Variants in RHOQ observed in about 807,000 individuals in gnomAD.
RHOQ encodes ras homolog family member Q, also known as rho-related GTP-binding protein RhoQ.
Under a neutral mutation model 25.8 loss-of-function variants are expected in RHOQ, and 7 were observed. The ratio of observed to expected loss-of-function variants is 0.27; its 90% CI spans 0.15 to 0.51. RHOQ has a LOEUF of 0.51. Ranked by LOEUF, RHOQ falls within the 20% of genes least tolerant of loss-of-function variation. RHOQ has a pLI of 0.97. For synonymous variants in RHOQ, 97 were observed against 98.6 expected (o/e 0.98, Z 0.10); for missense variants, 165 against 260.6 (o/e 0.63, Z 2.53).
chr2:46,560,112 A>G (rs1470702104), intron 2 of RHOQ, among the ~76,000 whole-genome samples: 2 of 152,218 alleles, frequency 1.3e-5, no homozygotes, highest in Non-Finnish European at 2.9e-5. Flanking sequence ...GTCCAGCTGC[A>G]GAAGCAGGCG....
Position 46,552,286 on chromosome 2 carries a change from G to A in RHOQ, c.201+8474G>A, listed in dbSNP as rs776487372. On this transcript the variant is annotated intron_variant, in intron 2 of 4. Coordinates refer to ENST00000238738, the MANE Select transcript of RHOQ (RefSeq NM_012249.4). The surrounding 1 kb of genome is among the most constrained non-coding windows in gnomAD (Gnocchi z 5.0). ...CAAAAAGGAGCAGGCCCGAGGTGGC[G>A]CTGATGGCCCCATTGCTCAAGTACG... Among the ~76,000 whole-genome samples, 65 of 152,146 alleles carry A rather than the reference G, an allele frequency of 4.3e-4. No individual in the cohort carries two copies. The highest frequency in any genetic ancestry group is 2.6e-4 in the Non-Finnish European group (18 of 68,018).
In RHOQ at chr2:46,576,360, T is replaced by A; in HGVS notation, c.366+109T>A. The A allele has an allele frequency of 9.5e-7, 1 of 1,047,582 alleles. No individual in the cohort carries two copies. The allele number at this position is 1,047,582 out of a possible 1,614,324, so 64.9% of individuals were successfully genotyped here. On this transcript the variant is annotated intron_variant, in intron 3 of 4. Transcript: ENST00000238738. The surrounding 1 kb of genome is among the most constrained non-coding windows in gnomAD (Gnocchi z 5.1). Reference sequence around the variant, plus strand: ...CTGAGCAAATGATGTAAGTGTTTAATCTCAGCTGCAAGTTAATGAGTTCTA... The same window carrying A: ...CTGAGCAAATGATGTAAGTGTTTAAACTCAGCTGCAAGTTAATGAGTTCTA...
At chr2:46,560,620 TG>T (rs1214305809) in intron 2 of RHOQ, 2 of 456,152 alleles carry the variant, frequency 4.4e-6, no homozygotes, top group African/African-American at 4.0e-5. Flanking sequence ...TACGAGAGCA[TG>T]GGTTTCCAGT....
In RHOQ at chr2:46,582,307, G is replaced by T. The variant is rs1199464037; in HGVS notation, c.*1224G>T. On this transcript the variant is annotated 3_prime_UTR_variant, in exon 5 of 5. Transcript: ENST00000238738. ...AAAAAAAAAAGAAAAAAAAGTTGGA[G>T]GAAAATTTTCATGTTCTTCTGTGAA... 6.6e-6 allele frequency: 1 copy of T among 151,828 alleles called. No homozygotes were observed. The highest frequency in any genetic ancestry group is 2.4e-5 in the African/African-American group (1 of 41,318). The allele number at this position is 151,828 out of a possible 1,614,324, so 9.4% of individuals were successfully genotyped here.
At chr2:46,570,378 G>A (rs991293050) in intron 2 of RHOQ, among the ~76,000 whole-genome samples, 1 of 151,954 alleles carries the variant, frequency 6.6e-6, no homozygotes, top group African/African-American at 2.4e-5. Flanking sequence ...AGGCAGAGGT[G>A]GCAGTGAGCC....
chr2:46,581,138 A>C lies in RHOQ; in HGVS notation c.*55A>C. ...CCATTTCTCTCAGAAAGCAAATGAA[A>C]TGCTACAGCTATACCCAGACCTTTT... On this transcript the variant is annotated 3_prime_UTR_variant, in exon 5 of 5. Transcript: ENST00000238738. The C allele has an allele frequency of 7.3e-7, 1 of 1,376,494 alleles. No individual in the cohort carries two copies. Among genetic ancestry groups the C allele is most frequent in the South Asian group, 1.5e-5 (1 of 67,178 alleles). The allele number at this position is 1,376,494 out of a possible 1,614,324, so 85.3% of individuals were successfully genotyped here.
At chr2:46,564,236 T>G (rs566235846) in intron 2 of RHOQ, among the ~76,000 whole-genome samples, 33 of 152,200 alleles carry the variant, frequency 2.2e-4, no homozygotes, top group African/African-American at 7.9e-4. Flanking sequence ...GCCCAGGAGT[T>G]TGACTCTGTA....
Position 46,581,349 on chromosome 2 carries a change from G to A in RHOQ, c.*266G>A. 7.1e-7 allele frequency: 1 copy of A among 1,399,334 alleles called. No individual in the cohort carries two copies. The highest frequency in any genetic ancestry group is 9.5e-7 in the Non-Finnish European group (1 of 1,047,228). 86.7% of individuals were successfully genotyped at this position (1,399,334 alleles called of 1,614,324 possible). On this transcript the variant is annotated 3_prime_UTR_variant, in exon 5 of 5. Transcript: ENST00000238738. The stretch of plus-strand genomic sequence containing the variant: ...TCTCAGGGGTTTCATAGTTTAAAAA[G>A]CTACAATCACATCATGTTGTAACTA...
At chr2:46,567,407 T>G (rs539408461) in intron 2 of RHOQ, among the ~76,000 whole-genome samples, 18 of 151,972 alleles carry the variant, frequency 1.2e-4, no homozygotes, top group African/African-American at 4.3e-4. Context: ...TTTTTTTTTT[T>G]CTTTGAGACA....
chr2:46,572,173 G>A (rs957158989), intron 2 of RHOQ, among the ~76,000 whole-genome samples: 3 of 127,854 alleles, frequency 2.3e-5, no homozygotes, highest in Admixed American at 1.9e-4. Flanking sequence ...CATGTTCATG[G>A]CTCACTGCAG....
At chr2:46,559,540 C>T (rs1234036992) in intron 2 of RHOQ, among the ~76,000 whole-genome samples, 1 of 152,122 alleles carries the variant, frequency 6.6e-6, no homozygotes, top group Non-Finnish European at 1.5e-5. Flanking sequence ...ACATTGAAGG[C>T]TGGATTGTTT....
At chr2:46,575,335 A>T (rs188271387) in intron 2 of RHOQ, among the ~76,000 whole-genome samples, 1 of 151,800 alleles carries the variant, frequency 6.6e-6, no homozygotes, top group Non-Finnish European at 1.5e-5. Context: ...AAGTAGAGGG[A>T]ATGAAAGTTG....
chr2:46,547,020 G>A (rs1056432288), intron 2 of RHOQ, among the ~76,000 whole-genome samples: 1 of 152,154 alleles, frequency 6.6e-6, no homozygotes, highest in South Asian at 2.1e-4. Flanking sequence ...ATGGTTTTCT[G>A]TCTTAAGCAG....
intron 2 of RHOQ, among the ~76,000 whole-genome samples, chr2:46,553,468 T>C (rs758029457): frequency 6.6e-6 from 1 of 152,256 alleles, no homozygotes; most frequent in Non-Finnish European, 1.5e-5. Context: ...GCAGTTACTC[T>C]TTGTGCTACA....
rs1669471634 is a variant in RHOQ at position 46,583,510 on chromosome 2, C to G, written c.*2427C>G. ...ATCTGAAGCTGAGGTGCCTTAGGTA[C>G]TCTACTGACCTTGATGGGTTTGGAG... is the stretch of plus-strand genomic sequence containing the variant. On this transcript the variant is annotated 3_prime_UTR_variant, in exon 5 of 5. Transcript: ENST00000238738. Among the ~76,000 whole-genome samples the G allele has an allele frequency of 6.6e-6, 1 of 152,130 alleles. No homozygotes were observed. Among genetic ancestry groups the G allele is most frequent in the Non-Finnish European group, 1.5e-5 (1 of 67,994 alleles).
At chr2:46,575,063 T>G (rs1230700584) in intron 2 of RHOQ, among the ~76,000 whole-genome samples, 1 of 152,080 alleles carries the variant, frequency 6.6e-6, no homozygotes, top group Non-Finnish European at 1.5e-5. Flanking sequence ...AAATAGTCTA[T>G]GCAAAAAAGG....
chr2:46,562,640 G>A (rs1668610505), intron 2 of RHOQ, among the ~76,000 whole-genome samples: 1 of 152,228 alleles, frequency 6.6e-6, no homozygotes, highest in Admixed American at 6.5e-5. Context: ...CCTGCCTGCT[G>A]TGTGCAAAGT....
intron 2 of RHOQ, among the ~76,000 whole-genome samples, chr2:46,561,508 G>T (rs1159891816): frequency 6.6e-6 from 1 of 152,132 alleles, no homozygotes; most frequent in African/African-American, 2.4e-5. Flanking sequence ...ATGACTGCAT[G>T]GCCAACCTTG....
In RHOQ at chr2:46,566,280, T is replaced by A. The variant is rs1248968709; in HGVS notation, c.202-9807T>A. Among the ~76,000 whole-genome samples the A allele has an allele frequency of 6.6e-6, 1 of 152,118 alleles. No homozygotes were observed. Among genetic ancestry groups the A allele is most frequent in the Non-Finnish European group, 1.5e-5 (1 of 68,010 alleles). On this transcript the variant is annotated intron_variant, in intron 2 of 4. Coordinates refer to ENST00000238738, the MANE Select transcript of RHOQ (RefSeq NM_012249.4). This position sits in a 1 kb window ranked among gnomAD's most constrained non-coding sequence, Gnocchi z 4.2. ...TAAAAGGAGGTACATAGTAATAAGCTAGTTCTGGAACTCAGAGGCAGAGAC... is the reference window on the plus strand; with the variant it reads ...TAAAAGGAGGTACATAGTAATAAGCAAGTTCTGGAACTCAGAGGCAGAGAC...
Sources: allele counts gnomAD v4.1 joint callset (sites outside exome capture counted in the v4.1 genomes callset), GRCh38; gene constraint gnomAD v4.1.1; non-coding constraint Gnocchi (gnomAD v3.1); transcripts MANE v1.5; gene names NCBI Gene and HGNC (gene_info 2026-07-23, HGNC 2026-07-21).